The following DMD variants were observed in gnomAD, a reference collection of about 807,000 sequenced individuals.
The protein encoded by DMD is dystrophin.
Under a neutral mutation model 330.1 loss-of-function variants are expected in DMD, and 63 were observed. The ratio of observed to expected loss-of-function variants is 0.19; its 90% CI spans 0.16 to 0.24. The LOEUF is 0.24. DMD is among the 10% of genes least tolerant of loss of function. The pLI, the probability that DMD is intolerant of heterozygous loss-of-function variation, is 1.00. For synonymous variants in DMD, 1,223 were observed against 959.8 expected (o/e 1.27, Z -5.07); for missense variants, 3,344 against 2,684.1 (o/e 1.25, Z -5.43).
At chrX:32,092,856 A>G (rs1322189593) in intron 44 of DMD, among the ~76,000 whole-genome samples, 1 of 107,128 alleles carries the variant, frequency 9.3e-6, no homozygotes, top group Non-Finnish European at 1.9e-5. Context: ...ATAAAACATC[A>G]AGGTGTAATT....
At chrX:32,183,091 T>G in intron 44 of DMD, among the ~76,000 whole-genome samples, 1 of 111,416 alleles carries the variant, frequency 9.0e-6, no homozygotes, top group Non-Finnish European at 1.9e-5. Context: ...ACAGCCAGAG[T>G]TTGAATCCAA....
intron 55 of DMD, among the ~76,000 whole-genome samples, chrX:31,556,366 CAA>C (rs370514351): frequency 2.1e-4 from 11 of 52,471 alleles, no homozygotes; most frequent in Admixed American, 2.5e-4. Flanking sequence ...GACTCTGTAT[CAA>C]AAAAAAAAAA....
chrX:32,091,272 A>T (rs927075443), intron 44 of DMD, among the ~76,000 whole-genome samples: 1 of 112,132 alleles, frequency 8.9e-6, no homozygotes, highest in Non-Finnish European at 1.9e-5. Context: ...ATCAAAATCC[A>T]TATCTAAGAA....
intron 9 of DMD, among the ~76,000 whole-genome samples, chrX:32,655,201 G>T (rs2060473359): frequency 9.0e-6 from 1 of 111,421 alleles, no homozygotes; most frequent in South Asian, 3.7e-4. Context: ...GTTTGCTCTT[G>T]CTTCTCTAGT....
At chrX:31,918,623 CTT>C (rs10706815) in intron 47 of DMD, among the ~76,000 whole-genome samples, 1 of 107,842 alleles carries the variant, frequency 9.3e-6, no homozygotes, top group Non-Finnish European at 1.9e-5. Context: ...ATGTCAACAT[CTT>C]TTTTTTTAAT....
intron 7 of DMD, among the ~76,000 whole-genome samples, chrX:32,705,480 C>A (rs770859718): frequency 2.6e-4 from 29 of 111,945 alleles, no homozygotes; most frequent in African/African-American, 7.8e-4. Context: ...TATGGTGTAA[C>A]TAGCAGAAAA....
chrX:32,190,550 TTATATATATATATATATATA>T (rs753482446), intron 44 of DMD, among the ~76,000 whole-genome samples: 8 of 62,534 alleles, frequency 1.3e-4, no homozygotes, highest in African/African-American at 4.8e-4. Flanking sequence ...ATTTAAAATT[TTATATATATATATATATATA>T]TATATATATA....
intron 29 of DMD, among the ~76,000 whole-genome samples, chrX:32,418,792 T>C (rs1177163677): frequency 9.2e-6 from 1 of 108,474 alleles, no homozygotes; most frequent in African/African-American, 3.4e-5. Flanking sequence ...GCTGACACGG[T>C]GAAACCCTGT....
intron 62 of DMD, among the ~76,000 whole-genome samples, chrX:31,271,400 C>T (rs1430895722): frequency 9.0e-6 from 1 of 111,395 alleles, no homozygotes; most frequent in Non-Finnish European, 1.9e-5. Flanking sequence ...CTGTGAAGGG[C>T]CAACAGCTGA....
chrX:31,979,503 T>A (rs2095461296), intron 44 of DMD, among the ~76,000 whole-genome samples: 1 of 112,313 alleles, frequency 8.9e-6, no homozygotes, highest in African/African-American at 3.2e-5. Flanking sequence ...CTTTTACTGG[T>A]ATGTGGTGAA....
At chrX:31,798,294 C>A (rs1379909476) in intron 50 of DMD, among the ~76,000 whole-genome samples, 1 of 108,966 alleles carries the variant, frequency 9.2e-6, no homozygotes, top group African/African-American at 3.3e-5. Context: ...TTTTTCAAAG[C>A]AAACAACGAG....
chrX:31,685,870 T>C (rs961229307), intron 52 of DMD, among the ~76,000 whole-genome samples: 4 of 112,354 alleles, frequency 3.6e-5, no homozygotes, highest in African/African-American at 1.3e-4. Context: ...GGCATGTTTT[T>C]TGTTTGTTTG....
intron 29 of DMD, among the ~76,000 whole-genome samples, chrX:32,428,290 T>A (rs2098221468): frequency 8.9e-6 from 1 of 112,119 alleles, no homozygotes; most frequent in South Asian, 3.7e-4. Context: ...ACAAATTATT[T>A]ACTTTAGTCA....
intron 44 of DMD, among the ~76,000 whole-genome samples, chrX:31,986,530 A>T (rs1288539122): frequency 9.0e-6 from 1 of 110,815 alleles, no homozygotes; most frequent in Non-Finnish European, 1.9e-5. Context: ...CTCCTGCCTC[A>T]GCCTCCCGAG....
intron 44 of DMD, among the ~76,000 whole-genome samples, chrX:32,006,896 T>G (rs772053359): frequency 3.7e-5 from 4 of 108,750 alleles, no homozygotes; most frequent in African/African-American, 6.7e-5. Flanking sequence ...CATAAAAAAA[T>G]GATGAGTTCA....
chrX:32,474,082 G>C (rs1347013393), intron 21 of DMD, among the ~76,000 whole-genome samples: 1 of 110,610 alleles, frequency 9.0e-6, no homozygotes, highest in Non-Finnish European at 1.9e-5. Context: ...TACAATGTTT[G>C]GTTTTCCATT....
chrX:33,236,341 T>C (rs970278791), intron 1 of DMD, among the ~76,000 whole-genome samples: 3 of 107,593 alleles, frequency 2.8e-5, no homozygotes, highest in Non-Finnish European at 5.8e-5. Flanking sequence ...CTCGGCTCAC[T>C]GCAACCTCAG....
chrX:31,878,972 G>A (rs1026397135), intron 47 of DMD, among the ~76,000 whole-genome samples: 5 of 111,267 alleles, frequency 4.5e-5, no homozygotes, highest in African/African-American at 9.8e-5. Flanking sequence ...ACTTTGACCT[G>A]GAAATTTTAT....
chrX:32,387,199 T>G (rs966417193), intron 32 of DMD, among the ~76,000 whole-genome samples: 2 of 110,921 alleles, frequency 1.8e-5, no homozygotes, highest in Non-Finnish European at 3.8e-5. Context: ...AAAAGCATCA[T>G]AAGACAAGTG....
Sources: allele counts gnomAD v4.1 joint callset (sites outside exome capture counted in the v4.1 genomes callset), GRCh38; gene constraint gnomAD v4.1.1; transcripts MANE v1.5; gene names NCBI Gene and HGNC (gene_info 2026-07-23, HGNC 2026-07-21).